MAVS: variants seen among roughly 807,000 people sequenced by gnomAD.
The protein encoded by MAVS is mitochondrial antiviral-signaling protein.
MAVS carries 20 observed loss-of-function variants against 30.2 expected under a neutral mutation model. The observed-to-expected ratio is 0.66, with a 90% CI of 0.47 to 0.96. The LOEUF (loss-of-function observed/expected upper bound fraction) is 0.96. MAVS is among the 40% of genes least tolerant of loss of function. The pLI is 0.00. For missense variants in MAVS, 624 were observed against 701.1 expected (o/e 0.89, Z 1.24); for synonymous variants, 278 against 293.9 (o/e 0.95, Z 0.55).
intron 6 of MAVS, 42 bp downstream of exon 6, chr20:3,864,830 C>G: frequency 6.3e-7 from 1 of 1,591,798 alleles, no homozygotes; most frequent in Non-Finnish European, 8.5e-7. Flanking sequence ...GGCCCCTTCC[C>G]CCGGGACAGC....
chr20:3,861,190 G>C, intron 3 of MAVS, 142 bp from the exon 4 acceptor site: 1 of 699,382 alleles, frequency 1.4e-6, no homozygotes. Context: ...TAGAGATGGG[G>C]TTTCACTGTG....
In MAVS at chr20:3,875,067, T is replaced by C. The variant is rs936334902; in HGVS notation, c.*8920T>C. 1 of 152,346 alleles carries C rather than the reference T, an allele frequency of 6.6e-6. No homozygotes were observed. Among genetic ancestry groups the C allele is most frequent in the African/African-American group, 2.4e-5 (1 of 41,446 alleles). The allele number at this position is 152,346 out of a possible 1,614,324, so 9.4% of individuals were successfully genotyped here. A position where few individuals can be genotyped will look rare whatever the true frequency, so the allele number is the denominator to read the frequency against. ...GATTAGACCCCTCTCTTTATTAAGC[T>C]TCCTAAGATCAAACCCTGCTTTTGT... On this transcript the variant is annotated 3_prime_UTR_variant, in exon 7 of 7. Coordinates refer to ENST00000428216, the MANE Select transcript of MAVS (RefSeq NM_020746.5).
At chr20:3,850,121 CA>C (rs1394973778) in intron 1 of MAVS, among the ~76,000 whole-genome samples, 1 of 150,254 alleles carries the variant, frequency 6.7e-6, no homozygotes, top group Non-Finnish European at 1.5e-5. Flanking sequence ...ACTAAAAATA[CA>C]AAAAATTAGC....
chr20:3,854,016 C>G (rs2089787661), intron 1 of MAVS, among the ~76,000 whole-genome samples: 1 of 140,832 alleles, frequency 7.1e-6, no homozygotes, highest in Non-Finnish European at 1.5e-5. Flanking sequence ...TCAGTCTGGT[C>G]TCCAACTCCC....
At position 3,875,680 on chromosome 20, in the gene MAVS, G is replaced by GAAAGTGTA. The variant is rs1370288201; in HGVS notation, c.*9534_*9535insAAGTGTAA. 1 of 152,304 alleles carries GAAAGTGTA rather than the reference G, an allele frequency of 6.6e-6. No homozygotes were observed. The highest frequency in any genetic ancestry group is 1.5e-5 in the Non-Finnish European group (1 of 68,052). 9.4% of individuals were successfully genotyped at this position (152,304 alleles called of 1,614,324 possible). A position where few individuals can be genotyped will look rare whatever the true frequency, so the allele number is the denominator to read the frequency against. On this transcript the variant is annotated 3_prime_UTR_variant, in exon 7 of 7. Coordinates refer to ENST00000428216, the MANE Select transcript of MAVS (RefSeq NM_020746.5). ...AGCTCCCACTTTCCTCACCCTCCAG[G>GAAAGTGTA]ACCTGTAAACTGTGAGGCTGGACCA...
Position 3,860,114 on chromosome 20 carries a change from G to A in MAVS, c.293-1218G>A, listed in dbSNP as rs139437897. ...TTACAGGCGTGAGCCACCAAGCCCA[G>A]CCCTGCTTGTCACTCTTGAGGAGTG... On this transcript the variant is annotated intron_variant, in intron 3 of 6. Coordinates refer to ENST00000428216, the MANE Select transcript of MAVS (RefSeq NM_020746.5). 2.2e-3 allele frequency among the ~76,000 whole-genome samples: 340 copies of A among 152,282 alleles called. 1 individual carries two copies. Among genetic ancestry groups the A allele is most frequent in the African/African-American group, 7.7e-3 (321 of 41,574 alleles).
At chr20:3,855,057 A>AT (rs940277322) in intron 2 of MAVS, among the ~76,000 whole-genome samples, 4 of 151,718 alleles carry the variant, frequency 2.6e-5, no homozygotes, top group African/African-American at 9.7e-5. Context: ...CGCCCAGCTA[A>AT]TTTTTTTGTT....
At chr20:3,863,106 C>T (rs2146773850) in intron 5 of MAVS, among the ~76,000 whole-genome samples, 1 of 152,272 alleles carries the variant, frequency 6.6e-6, no homozygotes, top group Admixed American at 6.5e-5. Flanking sequence ...GCTGCATCAG[C>T]TGTTGGCAGG....
At position 3,859,523 on chromosome 20, in the gene MAVS, C is replaced by CCA. The variant is rs1555780522; in HGVS notation, c.292+1714_292+1715insCA. Among the ~76,000 whole-genome samples, 3 of 145,632 alleles carry CCA rather than the reference C, an allele frequency of 2.1e-5. No individual in the cohort carries two copies. In the Admixed American group the frequency reaches 2.1e-4, roughly 10 times the overall value. ...ACTCCGTCTCCAAAAAAAAAAAACCCAAAAATAGTGATCCCCTGAATACAA... is the reference window on the plus strand; with the variant it reads ...ACTCCGTCTCCAAAAAAAAAAAACCCCAAAAAATAGTGATCCCCTGAATACAA... On this transcript the variant is annotated intron_variant, in intron 3 of 6. Coordinates refer to ENST00000428216, the MANE Select transcript of MAVS (RefSeq NM_020746.5).
intron 1 of MAVS, among the ~76,000 whole-genome samples, chr20:3,850,005 G>A (rs1466712060): frequency 2.6e-5 from 4 of 152,194 alleles, no homozygotes; most frequent in African/African-American, 7.2e-5. Context: ...CTGGCTGGGC[G>A]CGGTGGCTCA....
At chr20:3,855,633 G>A (rs75221813) in intron 2 of MAVS, among the ~76,000 whole-genome samples, 2,920 of 152,270 alleles carry the variant, frequency 0.019, 44 homozygotes, top group Non-Finnish European at 0.03. Flanking sequence ...TTTCTCAGGA[G>A]CCCCATTGTT....
intron 2 of MAVS, among the ~76,000 whole-genome samples, chr20:3,857,086 GC>G (rs1381977287): frequency 6.6e-6 from 1 of 150,454 alleles, no homozygotes; most frequent in Admixed American, 6.6e-5. Flanking sequence ...ACTGTCATCT[GC>G]CCACAATCTC....
At chr20:3,847,784 G>A (rs1397545727) in intron 1 of MAVS, among the ~76,000 whole-genome samples, 1 of 151,974 alleles carries the variant, frequency 6.6e-6, no homozygotes, top group African/African-American at 2.4e-5. Flanking sequence ...GGGTCTCTGT[G>A]CCCTGCAAGG....
intron 1 of MAVS, among the ~76,000 whole-genome samples, chr20:3,848,209 C>A (rs6084495): frequency 0.95 from 144,822 of 151,984 alleles, 69,039 homozygotes; most frequent in Middle Eastern, 1. Flanking sequence ...AGAGATTCTC[C>A]TGCCTCAGCC....
chr20:3,849,060 T>G (rs984119799), intron 1 of MAVS, among the ~76,000 whole-genome samples: 1 of 152,114 alleles, frequency 6.6e-6, no homozygotes, highest in Non-Finnish European at 1.5e-5. Context: ...GTAAATCAGA[T>G]CCTCTTCTTT....
At chr20:3,858,197 C>T (rs2089829663) in intron 3 of MAVS, among the ~76,000 whole-genome samples, 1 of 152,056 alleles carries the variant, frequency 6.6e-6, no homozygotes, top group Non-Finnish European at 1.5e-5. Context: ...TTCCTCATTT[C>T]TTCTCCCCCA....
chr20:3,847,726 G>A (rs2089721034), intron 1 of MAVS, among the ~76,000 whole-genome samples: 1 of 152,144 alleles, frequency 6.6e-6, no homozygotes, highest in South Asian at 2.1e-4. Context: ...AGTGACCTTG[G>A]GTCCTCTTTG....
At position 3,873,912 on chromosome 20, in the gene MAVS, G is replaced by C. The variant is rs1407378015; in HGVS notation, c.*7765G>C. The C allele has an allele frequency of 2.5e-6, 1 of 393,420 alleles. No homozygotes were observed. Among genetic ancestry groups the C allele is most frequent in the African/African-American group, 2.1e-5 (1 of 48,348 alleles). The allele number at this position is 393,420 out of a possible 1,614,324, so 24.4% of individuals were successfully genotyped here. A position where few individuals can be genotyped will look rare whatever the true frequency, so the allele number is the denominator to read the frequency against. On this transcript the variant is annotated 3_prime_UTR_variant, in exon 7 of 7. Coordinates refer to ENST00000428216, the MANE Select transcript of MAVS (RefSeq NM_020746.5). ...ACTGATCCAGCAGTTCCACTCCTGG[G>C]TATGTACACCACAGAAAGCTATGTC...
At position 3,871,408 on chromosome 20, in the gene MAVS, C is replaced by T. The variant is rs1456433120; in HGVS notation, c.*5261C>T. The T allele has an allele frequency of 6.5e-6, 1 of 153,748 alleles. No homozygotes were observed. The highest frequency in any genetic ancestry group is 1.9e-4 in the East Asian group (1 of 5,312). The allele number at this position is 153,748 out of a possible 1,614,324, so 9.5% of individuals were successfully genotyped here. On this transcript the variant is annotated 3_prime_UTR_variant, in exon 7 of 7. Coordinates refer to ENST00000428216, the MANE Select transcript of MAVS (RefSeq NM_020746.5). ...AGGATCCTGTCTTCAGAGGAGGGGC[C>T]GAAGCGGGTTCCTCTGTTGTCAAGC... is the stretch of plus-strand genomic sequence containing the variant.
Sources: gnomAD v4.1 joint callset for allele counts (sites outside exome capture counted in the v4.1 genomes callset) on GRCh38, gnomAD v4.1.1 for gene constraint, MANE v1.5 for transcripts, NCBI Gene and HGNC (gene_info 2026-07-23, HGNC 2026-07-21) for gene names.